GPC5: variants seen among roughly 807,000 people sequenced by gnomAD.
GPC5 encodes glypican-5.
A neutral mutation model predicts 53.9 loss-of-function variants in GPC5; 47 were observed. That is an observed-to-expected ratio of 0.87 (90% CI 0.69 to 1.11). The LOEUF is 1.11. GPC5 is among the 50% of genes most tolerant of loss of function. GPC5 has a pLI of 0.00. For synonymous variants in GPC5, 286 were observed against 263.3 expected (o/e 1.09, Z -0.84); for missense variants, 748 against 713.1 (o/e 1.05, Z -0.56).
chr13:91,480,480 C>T (rs1178571587), intron 2 of GPC5, among the ~76,000 whole-genome samples: 43 of 152,184 alleles, frequency 2.8e-4, no homozygotes, highest in Admixed American at 2.8e-3. Flanking sequence ...TTTCTATAAT[C>T]CACTGCCAAA....
intron 7 of GPC5, among the ~76,000 whole-genome samples, chr13:92,433,626 A>G (rs539767031): frequency 9.8e-5 from 15 of 152,296 alleles, no homozygotes; most frequent in African/African-American, 3.6e-4. Flanking sequence ...ACTTATATGA[A>G]TGTTATGCCT....
At chr13:92,806,359 A>G (rs1476620552) in intron 7 of GPC5, among the ~76,000 whole-genome samples, 2 of 151,976 alleles carry the variant, frequency 1.3e-5, no homozygotes, top group East Asian at 3.9e-4. Context: ...TATCCAGACT[A>G]CCCGACGTTT....
intron 7 of GPC5, among the ~76,000 whole-genome samples, chr13:92,263,605 A>G (rs2042781249): frequency 6.6e-6 from 1 of 152,132 alleles, no homozygotes; most frequent in African/African-American, 2.4e-5. Context: ...TAGGGAACTG[A>G]GCTTCAGAGT....
At chr13:92,365,489 A>G (rs1168531348) in intron 7 of GPC5, among the ~76,000 whole-genome samples, 2 of 151,540 alleles carry the variant, frequency 1.3e-5, no homozygotes, top group Non-Finnish European at 2.9e-5. Flanking sequence ...ATGATAAATT[A>G]CCCTTAGTTT....
At chr13:92,078,075 C>T (rs531412066) in intron 6 of GPC5, among the ~76,000 whole-genome samples, 19 of 152,102 alleles carry the variant, frequency 1.2e-4, no homozygotes, top group African/African-American at 4.3e-4. Context: ...GTGTATACAT[C>T]ATATATACCT....
intron 7 of GPC5, among the ~76,000 whole-genome samples, chr13:92,201,276 T>G (rs1031112173): frequency 6.6e-6 from 1 of 152,196 alleles, no homozygotes. Context: ...TTGAAAATGG[T>G]ATTTCATCAG....
chr13:92,823,061 T>C (rs1008264826), intron 7 of GPC5, among the ~76,000 whole-genome samples: 3 of 152,086 alleles, frequency 2.0e-5, no homozygotes, highest in African/African-American at 4.8e-5. Flanking sequence ...GATGAGCACA[T>C]TTAGTAAAAT....
chr13:91,688,166 T>G (rs1355875592), intron 2 of GPC5, among the ~76,000 whole-genome samples: 1 of 152,158 alleles, frequency 6.6e-6, no homozygotes, highest in Admixed American at 6.5e-5. Flanking sequence ...CACAAACAAG[T>G]AGCTAGAGTA....
chr13:92,861,556 A>C (rs1879184841), intron 7 of GPC5, among the ~76,000 whole-genome samples: 1 of 152,110 alleles, frequency 6.6e-6, no homozygotes, highest in Non-Finnish European at 1.5e-5. Context: ...ATTTCTCTAC[A>C]GGAACATTTG....
chr13:92,138,180 G>A (rs1305233620), intron 6 of GPC5, among the ~76,000 whole-genome samples: 1 of 152,100 alleles, frequency 6.6e-6, no homozygotes, highest in Admixed American at 6.6e-5. Context: ...TAAAGTATGT[G>A]GCAGGAGTGT....
At chr13:92,028,095 A>T (rs2138801564) in intron 6 of GPC5, among the ~76,000 whole-genome samples, 1 of 152,308 alleles carries the variant, frequency 6.6e-6, no homozygotes, top group East Asian at 1.9e-4. Flanking sequence ...ATTCCTAATG[A>T]TAAGTAGAGA....
chr13:92,309,626 G>C (rs1424124984), intron 7 of GPC5, among the ~76,000 whole-genome samples: 13 of 151,646 alleles, frequency 8.6e-5, no homozygotes, highest in Admixed American at 8.5e-4. Context: ...TGAAAAATTT[G>C]CCTATTTTAA....
At chr13:91,480,507 A>G (rs1883242639) in intron 2 of GPC5, among the ~76,000 whole-genome samples, 2 of 152,210 alleles carry the variant, frequency 1.3e-5, no homozygotes, top group Admixed American at 6.5e-5. Flanking sequence ...GTGACTATCC[A>G]TTACTTACTA....
chr13:92,751,739 AGT>A lies in GPC5; in HGVS notation c.1562-114542_1562-114541del, dbSNP rs1162448035. 6.3e-5 allele frequency among the ~76,000 whole-genome samples: 9 copies of A among 143,202 alleles called. No individual in the cohort carries two copies. The East Asian group carries it at 2.3e-3, about 36-fold the overall frequency. The allele number at this position is 143,202 out of a possible 152,430, so 93.9% of individuals were successfully genotyped here. A position where few individuals can be genotyped will look rare whatever the true frequency, so the allele number is the denominator to read the frequency against. On this transcript the variant is annotated intron_variant, in intron 7 of 7. Coordinates refer to ENST00000377067, the MANE Select transcript of GPC5 (RefSeq NM_004466.6). ...TGTGCACATGTACCCTAGAACTTAA[AGT>A]ATAAAAAAAAATAAAAAATAAAAAC... is the stretch of plus-strand genomic sequence containing the variant.
At position 92,138,245 on chromosome 13, in the gene GPC5, G is replaced by A. The variant is rs546660327; in HGVS notation, c.1402-6585G>A. 3.3e-5 allele frequency among the ~76,000 whole-genome samples: 5 copies of A among 152,216 alleles called. 1 individual carries two copies. The highest frequency in any genetic ancestry group is 2.1e-4 in the South Asian group (1 of 4,818). On this transcript the variant is annotated intron_variant, in intron 6 of 7. Coordinates refer to ENST00000377067, the MANE Select transcript of GPC5 (RefSeq NM_004466.6). ...TTATAAAAACTGGCTTCTTGGCCAG[G>A]CGCAGTGGCTCACACCTATAATCCC...
intron 7 of GPC5, among the ~76,000 whole-genome samples, chr13:92,744,331 G>T (rs2139316031): frequency 2.0e-5 from 3 of 152,194 alleles, no homozygotes; most frequent in Admixed American, 2.0e-4. Context: ...CTTTGGATAT[G>T]TGGCATGAAG....
intron 2 of GPC5, among the ~76,000 whole-genome samples, chr13:91,524,095 G>T (rs1448624332): frequency 1.3e-5 from 2 of 152,078 alleles, no homozygotes; most frequent in Non-Finnish European, 2.9e-5. Context: ...TGTAAAGTCT[G>T]TAAAATGATT....
chr13:91,553,255 A>G (rs140289371), intron 2 of GPC5, among the ~76,000 whole-genome samples: 1 of 152,220 alleles, frequency 6.6e-6, no homozygotes, highest in East Asian at 1.9e-4. Flanking sequence ...CTCTAGTTTA[A>G]TTCAGCCACC....
chr13:92,180,501 AT>A lies in GPC5; in HGVS notation c.1561+35520del, dbSNP rs34322226. Reference sequence around the variant, plus strand: ...CCTTTAAGTATTATGGTTATGGGTGATTTTTTTTATTAGTACAAACACATTT... The same window carrying A: ...CCTTTAAGTATTATGGTTATGGGTGATTTTTTTATTAGTACAAACACATTT... On this transcript the variant is annotated intron_variant, in intron 7 of 7. Coordinates refer to ENST00000377067, the MANE Select transcript of GPC5 (RefSeq NM_004466.6). Among the ~76,000 whole-genome samples, 822 of 152,000 alleles carry A rather than the reference AT, an allele frequency of 5.4e-3. 12 individuals carry two copies. The highest frequency in any genetic ancestry group is 0.019 in the African/African-American group (773 of 41,502).
Sources: gnomAD v4.1 joint callset for allele counts (sites outside exome capture counted in the v4.1 genomes callset) on GRCh38, gnomAD v4.1.1 for gene constraint, MANE v1.5 for transcripts, NCBI Gene and HGNC (gene_info 2026-07-23, HGNC 2026-07-21) for gene names.